Variants in NEK11 observed in about 807,000 individuals in gnomAD.
NEK11 encodes serine/threonine-protein kinase Nek11.
NEK11 carries 72 observed loss-of-function variants against 80.7 expected under a neutral mutation model. That is an observed-to-expected ratio of 0.89 (90% CI 0.74 to 1.08). The LOEUF (loss-of-function observed/expected upper bound fraction) is 1.08, where lower values mean the gene tolerates loss of function less well. Ranked by LOEUF, NEK11 falls within the 50% of genes least tolerant of loss-of-function variation. NEK11 has a pLI of 0.00. For missense variants in NEK11, 764 were observed against 763.6 expected (o/e 1.00, Z -0.01); for synonymous variants, 251 against 260.7 (o/e 0.96, Z 0.36).
At chr3:131,077,500 A>G (rs1053417427) in intron 3 of NEK11, among the ~76,000 whole-genome samples, 5 of 152,198 alleles carry the variant, frequency 3.3e-5, no homozygotes, top group African/African-American at 7.2e-5. Context: ...AAGGTGCCAG[A>G]CGGGGCTCAG....
intron 3 of NEK11, among the ~76,000 whole-genome samples, chr3:131,062,325 A>G (rs1251718869): frequency 6.6e-6 from 1 of 152,228 alleles, no homozygotes. Context: ...TGTGATCTGA[A>G]CCGGAGAACC....
intron 17 of NEK11, among the ~76,000 whole-genome samples, chr3:131,315,948 G>T (rs1356554485): frequency 6.6e-6 from 1 of 151,968 alleles, no homozygotes; most frequent in Non-Finnish European, 1.5e-5. Context: ...TCTTTATCCA[G>T]TCTGTTATTG....
At chr3:131,224,883 C>T (rs971734899) in intron 14 of NEK11, among the ~76,000 whole-genome samples, 4 of 152,160 alleles carry the variant, frequency 2.6e-5, no homozygotes, top group Admixed American at 6.5e-5. Context: ...TTTCGTACAG[C>T]TGTACAATGT....
chr3:131,236,859 G>T (rs141804638), intron 15 of NEK11, among the ~76,000 whole-genome samples: 1 of 152,326 alleles, frequency 6.6e-6, no homozygotes, highest in Non-Finnish European at 1.5e-5. Flanking sequence ...AATTATGAAT[G>T]CATATAAGCA....
At chr3:131,062,771 G>C (rs1160083084) in intron 3 of NEK11, among the ~76,000 whole-genome samples, 1 of 152,164 alleles carries the variant, frequency 6.6e-6, no homozygotes, top group East Asian at 1.9e-4. Context: ...GTAGAGATGT[G>C]ACTCCACAGC....
chr3:131,252,906 T>C (rs1464211257), intron 16 of NEK11, among the ~76,000 whole-genome samples: 2 of 152,162 alleles, frequency 1.3e-5, no homozygotes, highest in Non-Finnish European at 2.9e-5. Context: ...AAATTTTATT[T>C]CCAAAAATTA....
chr3:131,268,682 ACT>A (rs2096114144), intron 16 of NEK11, among the ~76,000 whole-genome samples: 1 of 151,400 alleles, frequency 6.6e-6, no homozygotes, highest in Admixed American at 6.6e-5. Context: ...GCCAGCCCAA[ACT>A]CTCCTGTATT....
rs1368055124 is a variant in NEK11 at position 131,026,964 on chromosome 3, A to G, written c.-212A>G. ...TGAGGCCTGCCCGATTACCCGCAAG[A>G]CTTGGGCAGCCCCGGGCGCCGCTCC... On this transcript the variant is annotated 5_prime_UTR_variant, in exon 1 of 18. Coordinates refer to ENST00000383366, the MANE Select transcript of NEK11 (RefSeq NM_024800.5). 1 of 152,148 alleles carries G rather than the reference A, an allele frequency of 6.6e-6. No homozygotes were observed. The highest frequency in any genetic ancestry group is 1.9e-4 in the East Asian group (1 of 5,178). The allele number at this position is 152,148 out of a possible 1,614,324, so 9.4% of individuals were successfully genotyped here.
chr3:131,273,288 CTG>C (rs1368757561), intron 16 of NEK11, among the ~76,000 whole-genome samples, 188 bp from the exon 17 acceptor site: 2 of 152,190 alleles, frequency 1.3e-5, no homozygotes, highest in Non-Finnish European at 2.9e-5. Context: ...CATATTAAAA[CTG>C]TAAATAATCT....
At chr3:131,042,879 C>T (rs2066747050) in intron 3 of NEK11, among the ~76,000 whole-genome samples, 1 of 152,160 alleles carries the variant, frequency 6.6e-6, no homozygotes, top group Non-Finnish European at 1.5e-5. Flanking sequence ...TGGCATCTGG[C>T]AGGTGCCACT....
intron 3 of NEK11, among the ~76,000 whole-genome samples, chr3:131,057,319 G>T (rs1359901999): frequency 6.6e-6 from 1 of 152,018 alleles, no homozygotes; most frequent in East Asian, 1.9e-4. Context: ...CCAAGTCTTT[G>T]CTATTGTGAA....
In NEK11 at chr3:131,259,052, T is replaced by G. The variant is rs543628704; in HGVS notation, c.1622-14426T>G. Among the ~76,000 whole-genome samples, 7 of 152,282 alleles carry G rather than the reference T, an allele frequency of 4.6e-5. No homozygotes were observed. In the East Asian group the frequency reaches 5.8e-4, roughly 13 times the overall value. On this transcript the variant is annotated intron_variant, in intron 16 of 17. Transcript: ENST00000383366. ...GCCATAGAAGATAGGATTCTTTTTTTTGTATCAATGAGGCAACTGAGTCAC... is the reference window on the plus strand; with the variant it reads ...GCCATAGAAGATAGGATTCTTTTTTGTGTATCAATGAGGCAACTGAGTCAC...
chr3:131,081,287 A>T (rs925666006), intron 4 of NEK11, among the ~76,000 whole-genome samples: 4 of 152,190 alleles, frequency 2.6e-5, no homozygotes, highest in African/African-American at 9.7e-5. Context: ...TTCCAGCTCT[A>T]TGGTTTAATT....
chr3:131,048,181 A>C, intron 3 of NEK11, among the ~76,000 whole-genome samples: 1 of 152,024 alleles, frequency 6.6e-6, no homozygotes, highest in Non-Finnish European at 1.5e-5. Flanking sequence ...AGAGCTGGGA[A>C]CTTTCCCCAG....
chr3:131,326,924 C>T (rs930088026), intron 17 of NEK11, among the ~76,000 whole-genome samples: 1 of 152,146 alleles, frequency 6.6e-6, no homozygotes, highest in Admixed American at 6.5e-5. Flanking sequence ...AATACCTTTA[C>T]AAAAGAGGTC....
intron 3 of NEK11, among the ~76,000 whole-genome samples, chr3:131,069,757 C>T (rs1223154927): frequency 6.7e-6 from 1 of 149,906 alleles, no homozygotes; most frequent in Non-Finnish European, 1.5e-5. Flanking sequence ...TATTCTCACT[C>T]ATAGGTGGGA....
chr3:131,308,313 C>T (rs2096742619), intron 17 of NEK11, among the ~76,000 whole-genome samples: 2 of 152,084 alleles, frequency 1.3e-5, no homozygotes, highest in South Asian at 2.1e-4. Context: ...AGAATCTTAC[C>T]CATAATAGTC....
At chr3:131,175,015 C>T in intron 14 of NEK11, 1 of 1,296,346 alleles carries the variant, frequency 7.7e-7, no homozygotes, top group South Asian at 2.5e-5. Context: ...GGTGGTTGTG[C>T]TTTGCTTGCC....
At chr3:131,113,272 GAGA>G (rs1017693015) in intron 5 of NEK11, among the ~76,000 whole-genome samples, 7 of 151,946 alleles carry the variant, frequency 4.6e-5, no homozygotes, top group Admixed American at 4.6e-4. Context: ...AATATGGAGA[GAGA>G]AGAAGGAGAG....
Sources: gnomAD v4.1 joint callset for allele counts (sites outside exome capture counted in the v4.1 genomes callset) on GRCh38, gnomAD v4.1.1 for gene constraint, MANE v1.5 for transcripts, NCBI Gene and HGNC (gene_info 2026-07-23, HGNC 2026-07-21) for gene names.